Variants in RBPMS observed in about 807,000 individuals in gnomAD.
RBPMS encodes RNA binding protein, mRNA processing factor, also known as RNA-binding protein with multiple splicing.
In RBPMS, 7 loss-of-function variants were observed where a neutral mutation model predicts 26.8. The ratio of observed to expected loss-of-function variants is 0.26; its 90% CI spans 0.15 to 0.49. RBPMS has a LOEUF of 0.49. Among genes scored for constraint, RBPMS ranks in the 20% least tolerant of loss-of-function variants. The pLI, the probability that RBPMS is intolerant of heterozygous loss-of-function variation, is 0.98. For synonymous variants in RBPMS, 96 were observed against 93.3 expected (o/e 1.03, Z -0.17); for missense variants, 186 against 250.0 (o/e 0.74, Z 1.73).
At chr8:30,428,020 C>CTTTTTTTTT (rs58756060) in intron 1 of RBPMS, among the ~76,000 whole-genome samples, 2 of 103,938 alleles carry the variant, frequency 1.9e-5, no homozygotes, top group African/African-American at 3.8e-5. Context: ...GAGACCCCAT[C>CTTTTTTTTT]TTTTTTTTTT....
chr8:30,416,890 C>T (rs1279947424), intron 1 of RBPMS, among the ~76,000 whole-genome samples: 2 of 152,198 alleles, frequency 1.3e-5, no homozygotes, highest in Non-Finnish European at 2.9e-5. Flanking sequence ...CTGTCTCAGC[C>T]TCCCAAATAG....
intron 4 of RBPMS, among the ~76,000 whole-genome samples, chr8:30,496,087 T>C (rs1819907868): frequency 6.6e-6 from 1 of 152,196 alleles, no homozygotes; most frequent in Non-Finnish European, 1.5e-5. Flanking sequence ...CTGCTCCTTT[T>C]AGGACTTTAT....
intron 1 of RBPMS, among the ~76,000 whole-genome samples, chr8:30,458,437 CATTT>C (rs751711874): frequency 2.0e-5 from 3 of 152,114 alleles, no homozygotes; most frequent in Non-Finnish European, 4.4e-5. Context: ...CTAAAGCACT[CATTT>C]AATTAATAGT....
chr8:30,548,964 G>A lies in RBPMS; in HGVS notation c.528+4340G>A, dbSNP rs112595660. On this transcript the variant is annotated intron_variant, in intron 6 of 8. Transcript: ENST00000397323. ...ATAGAGTGTTGGGGGGTGTCTCGAG[G>A]GCAGTGCTGGGTATGGACCTCAGTG... Among the ~76,000 whole-genome samples the A allele has an allele frequency of 8.6e-3, 1,315 of 152,352 alleles. 10 individuals carry two copies. The highest frequency in any genetic ancestry group is 0.028 in the African/African-American group (1,144 of 41,578).
intron 4 of RBPMS, among the ~76,000 whole-genome samples, chr8:30,494,995 A>T (rs1819777141): frequency 6.6e-6 from 1 of 152,232 alleles, no homozygotes; most frequent in East Asian, 1.9e-4. Flanking sequence ...TTGTATTTTA[A>T]GAAGTGGCCT....
intron 1 of RBPMS, among the ~76,000 whole-genome samples, chr8:30,420,061 C>T (rs1810576238): frequency 6.6e-6 from 1 of 151,968 alleles, no homozygotes; most frequent in Non-Finnish European, 1.5e-5. Flanking sequence ...CTTGTCTCAA[C>T]AAAAGAAACC....
At chr8:30,479,483 C>CT (rs1818050565) in intron 4 of RBPMS, 106 bp downstream of exon 4, 1 of 824,016 alleles carries the variant, frequency 1.2e-6, no homozygotes. Context: ...ACTGCACAGT[C>CT]TAAGAGGGAG....
At chr8:30,547,490 A>C in intron 6 of RBPMS, 1 of 1,548,494 alleles carries the variant, frequency 6.5e-7, no homozygotes, top group East Asian at 2.3e-5. Flanking sequence ...GAGAGATTTC[A>C]ATAAAAATTT....
At position 30,432,842 on chromosome 8, in the gene RBPMS, TTC is replaced by T. The variant is rs145373359; in HGVS notation, c.67-41935_67-41934del. Among the ~76,000 whole-genome samples, 1,254 of 152,338 alleles carry T rather than the reference TTC, an allele frequency of 8.2e-3. 20 individuals are homozygous for T. Among genetic ancestry groups the T allele is most frequent in the African/African-American group, 0.028 (1,158 of 41,580 alleles). On this transcript the variant is annotated intron_variant, in intron 1 of 8. Coordinates refer to ENST00000397323, the MANE Select transcript of RBPMS (RefSeq NM_001008710.3). Reference sequence around the variant, plus strand: ...ATAAATAAAACGATTCCACATTATTTTCTGTTTGCCTAAATTGCAACATAAGG... The same window carrying T: ...ATAAATAAAACGATTCCACATTATTTTGTTTGCCTAAATTGCAACATAAGG...
intron 1 of RBPMS, among the ~76,000 whole-genome samples, chr8:30,450,475 T>G (rs1162892648): frequency 6.6e-6 from 1 of 152,082 alleles, no homozygotes; most frequent in East Asian, 1.9e-4. Context: ...GTGGGAAGGA[T>G]GTCATGGGAG....
At chr8:30,470,106 G>A (rs371652771) in intron 1 of RBPMS, among the ~76,000 whole-genome samples, 18 of 152,178 alleles carry the variant, frequency 1.2e-4, no homozygotes, top group South Asian at 4.2e-4. Context: ...ATTCTAGGCC[G>A]GGCACGGTGG....
intron 1 of RBPMS, among the ~76,000 whole-genome samples, chr8:30,413,845 T>G (rs1221357796): frequency 2.0e-5 from 3 of 152,240 alleles, no homozygotes; most frequent in Admixed American, 6.5e-5. Context: ...TCTCTTGACC[T>G]CATGATCTGC....
chr8:30,510,218 C>A (rs759263565), intron 5 of RBPMS, among the ~76,000 whole-genome samples: 1 of 152,178 alleles, frequency 6.6e-6, no homozygotes, highest in African/African-American at 2.4e-5. Context: ...AGAGAAGTCT[C>A]TCTTAACTCT....
intron 1 of RBPMS, among the ~76,000 whole-genome samples, chr8:30,393,770 C>G (rs1808066926): frequency 6.6e-6 from 1 of 152,076 alleles, no homozygotes; most frequent in African/African-American, 2.4e-5. Flanking sequence ...CCACCCGCCT[C>G]GGCCTGCCAA....
intron 1 of RBPMS, among the ~76,000 whole-genome samples, chr8:30,450,671 G>A (rs1382169656): frequency 6.6e-6 from 1 of 151,578 alleles, no homozygotes; most frequent in African/African-American, 2.4e-5. Flanking sequence ...TTTCCAGAGA[G>A]CTGCATGGCT....
chr8:30,511,079 A>G (rs1821539296), intron 5 of RBPMS, among the ~76,000 whole-genome samples: 1 of 151,990 alleles, frequency 6.6e-6, no homozygotes, highest in African/African-American at 2.4e-5. Flanking sequence ...TGGGAGGCCG[A>G]GGTGATCTCA....
intron 4 of RBPMS, among the ~76,000 whole-genome samples, chr8:30,496,496 G>A (rs1819975979): frequency 1.3e-5 from 2 of 152,056 alleles, no homozygotes; most frequent in Admixed American, 6.6e-5. Context: ...ATACTCCTAA[G>A]GAGTAGGGGG....
At chr8:30,444,865 T>TTG (rs1813550480) in intron 1 of RBPMS, 1 of 152,240 alleles carries the variant, frequency 6.6e-6, no homozygotes, top group Non-Finnish European at 1.5e-5. Flanking sequence ...GACTTGCCTC[T>TTG]ACTCTTAAGC....
At chr8:30,430,783 T>A (rs1811844839) in intron 1 of RBPMS, among the ~76,000 whole-genome samples, 2 of 152,222 alleles carry the variant, frequency 1.3e-5, no homozygotes, top group African/African-American at 4.8e-5. Context: ...GTTCATTTAC[T>A]TAGAAATGGA....
Sources: allele counts gnomAD v4.1 joint callset (sites outside exome capture counted in the v4.1 genomes callset), GRCh38; gene constraint gnomAD v4.1.1; transcripts MANE v1.5; gene names NCBI Gene and HGNC (gene_info 2026-07-23, HGNC 2026-07-21).